CCDC88C: variants seen among roughly 807,000 people sequenced by gnomAD.
The protein encoded by CCDC88C is coiled-coil and HOOK domain protein 88C, also known as protein Daple.
A neutral mutation model predicts 198.8 loss-of-function variants in CCDC88C; 131 were observed. The ratio of observed to expected loss-of-function variants is 0.66; its 90% confidence interval spans 0.57 to 0.76. CCDC88C has a LOEUF of 0.76. Among genes scored for constraint, CCDC88C ranks in the 30% least tolerant of loss-of-function variants. The probability of loss-of-function intolerance (pLI) is 0.00; values close to 1 mark genes in which losing one functional copy is unlikely to be tolerated. For missense variants in CCDC88C, 2,553 were observed against 2,631.6 expected, an observed-to-expected ratio of 0.97 and a Z score of 0.65; for synonymous variants, 1,166 against 1,114.7, an observed-to-expected ratio of 1.05 and a Z score of -0.92.
intron 3 of CCDC88C, among the ~76,000 whole-genome samples, chr14:91,382,453 T>C (rs1324425563): frequency 6.6e-6 from 1 of 152,222 alleles, no homozygotes. Context: ...TGGCCTTCTT[T>C]GTCAGGAATA....
At chr14:91,388,351 T>G (rs1885277262) in intron 3 of CCDC88C, among the ~76,000 whole-genome samples, 1 of 152,232 alleles carries the variant, frequency 6.6e-6, no homozygotes, top group Non-Finnish European at 1.5e-5. Context: ...ATGAGGGGAC[T>G]GGGCCTCGTG....
chr14:91,321,358 C>G, intron 12 of CCDC88C, 54 bp from the exon 13 acceptor site: 2 of 1,521,344 alleles, frequency 1.3e-6, no homozygotes, highest in Non-Finnish European at 1.8e-6. Flanking sequence ...CACTTCCACT[C>G]TCTGCCCCAA....
intron 3 of CCDC88C, among the ~76,000 whole-genome samples, chr14:91,397,031 A>G (rs1243933837): frequency 6.6e-6 from 1 of 152,320 alleles, no homozygotes. Flanking sequence ...AAGAAAGAAA[A>G]AAACTTGAGC....
intron 15 of CCDC88C, among the ~76,000 whole-genome samples, 152 bp downstream of exon 15, chr14:91,312,928 T>G (rs1189523418): frequency 1.3e-5 from 2 of 152,268 alleles, no homozygotes; most frequent in African/African-American, 2.4e-5. Context: ...TGGTATTCAC[T>G]GGGTTCTTAG....
chr14:91,294,067 A>C (rs1160751390), intron 23 of CCDC88C, 106 bp downstream of exon 23: 4 of 1,331,916 alleles, frequency 3.0e-6, no homozygotes, highest in Non-Finnish European at 4.2e-6. Context: ...CAGGATCCCA[A>C]CGGGCCCAGG....
intron 13 of CCDC88C, among the ~76,000 whole-genome samples, chr14:91,317,358 G>A (rs1241148582): frequency 6.6e-6 from 1 of 152,206 alleles, no homozygotes; most frequent in African/African-American, 2.4e-5. Flanking sequence ...AGGGCCAACG[G>A]GCTTGCTTAC....
intron 3 of CCDC88C, among the ~76,000 whole-genome samples, chr14:91,384,155 G>A (rs2139960062): frequency 1.3e-5 from 2 of 152,278 alleles, no homozygotes; most frequent in South Asian, 4.2e-4. Flanking sequence ...CTCAGGTGGA[G>A]GCTAGGCGTG....
At chr14:91,302,522 A>G (rs141618698) in intron 20 of CCDC88C, among the ~76,000 whole-genome samples, 1 of 152,218 alleles carries the variant, frequency 6.6e-6, no homozygotes, top group Admixed American at 6.5e-5. Context: ...ACAGAATCCC[A>G]GCCCAGATTG....
intron 3 of CCDC88C, among the ~76,000 whole-genome samples, chr14:91,396,612 A>T (rs1885862094): frequency 6.6e-6 from 1 of 152,054 alleles, no homozygotes; most frequent in African/African-American, 2.4e-5. Flanking sequence ...CTTAACATTC[A>T]TCGTTTCAGC....
intron 20 of CCDC88C, 129 bp downstream of exon 20, chr14:91,303,572 C>T: frequency 1.0e-6 from 1 of 972,820 alleles, no homozygotes; most frequent in East Asian, 2.6e-5. Context: ...AGGCTCCACC[C>T]ATCTTCCCCA....
chr14:91,345,350 G>A (rs1483688462), intron 4 of CCDC88C, among the ~76,000 whole-genome samples: 4 of 151,390 alleles, frequency 2.6e-5, no homozygotes, highest in Non-Finnish European at 5.9e-5. Context: ...TCGCCACCAC[G>A]CTCTGCTATT....
At chr14:91,417,580 T>C in intron 1 of CCDC88C, 51 bp downstream of exon 1, 2 of 1,530,960 alleles carry the variant, frequency 1.3e-6, no homozygotes, top group South Asian at 1.2e-5. Context: ...GTCGCCGGGC[T>C]AGAGAGAAGC....
At chr14:91,322,413 C>T (rs1393714643) in intron 12 of CCDC88C, among the ~76,000 whole-genome samples, 2 of 152,120 alleles carry the variant, frequency 1.3e-5, no homozygotes, top group African/African-American at 2.4e-5. Context: ...CAACAGCAGG[C>T]GAGAAGTGGA....
chr14:91,416,517 A>C (rs1887062217), intron 2 of CCDC88C, among the ~76,000 whole-genome samples: 1 of 151,948 alleles, frequency 6.6e-6, no homozygotes, highest in African/African-American at 2.4e-5. Context: ...TCAATTCCAA[A>C]TTTCCTTCAT....
At position 91,283,363 on chromosome 14, in the gene CCDC88C, G is replaced by A. The variant is rs1178078642; in HGVS notation, c.4596C>T (p.Ser1532=). 2 of 1,613,822 alleles carry A rather than the reference G, an allele frequency of 1.2e-6. No individual in the cohort carries two copies. Among genetic ancestry groups the A allele is most frequent in the Non-Finnish European group, 1.7e-6 (2 of 1,179,866 alleles). ...TSATTTAPSN[S]TPIARHPGRT... ...GGCCTGGGTGCCGGGCGATGGGGGT[G>A]GAGTTGGAAGGGGCTGTAGTGGTGG... The change falls in exon 26 of 30, where the codon TCC becomes TCT. Residue 1532 remains serine, a synonymous_variant. Transcript: ENST00000389857.
intron 4 of CCDC88C, among the ~76,000 whole-genome samples, chr14:91,348,833 G>A (rs1366958118): frequency 6.6e-6 from 1 of 152,208 alleles, no homozygotes. Context: ...ATGAAGCAGA[G>A]TGATGCTTGC....
intron 3 of CCDC88C, among the ~76,000 whole-genome samples, chr14:91,400,523 G>C (rs1488343513): frequency 6.6e-6 from 1 of 152,242 alleles, no homozygotes; most frequent in African/African-American, 2.4e-5. Flanking sequence ...CCCGGCCACA[G>C]CCAGGCCCTG....
chr14:91,334,584 A>C (rs1332748504), intron 10 of CCDC88C, among the ~76,000 whole-genome samples: 1 of 152,188 alleles, frequency 6.6e-6, no homozygotes, highest in Non-Finnish European at 1.5e-5. Flanking sequence ...TCTGCTTTTA[A>C]TTGCATAGGA....
Position 91,272,861 on chromosome 14 carries a change from C to T in CCDC88C, c.5851G>A (p.Ala1951Thr). The change falls in exon 30 of 30, where the codon GCC becomes ACC. Residue 1951 changes from alanine to threonine, a missense_variant. Transcript: ENST00000389857. ...CCTGCCCGGACAGGGGTGATGGTGG[C>T]CACCTCCCCTGAGCGTGGGGGCGCC... ...PKAPPRSGEV[A>T]TITPVRAGLS... The T allele has an allele frequency of 6.3e-7, 1 of 1,591,784 alleles. No homozygotes were observed.
Sources: gnomAD v4.1 joint callset for allele counts (sites outside exome capture counted in the v4.1 genomes callset) on GRCh38, gnomAD v4.1.1 for gene constraint, MANE v1.5 for transcripts, NCBI Gene and HGNC (gene_info 2026-07-23, HGNC 2026-07-21) for gene names.